ANK3: variants seen among roughly 807,000 people sequenced by gnomAD.
ANK3 encodes the protein ankyrin 3.
ANK3 carries 57 observed loss-of-function variants against 370.9 expected under a neutral mutation model. The observed-to-expected ratio is 0.15, with a 90% CI of 0.12 to 0.19. ANK3 has a LOEUF of 0.19. ANK3 is among the 10% of genes least tolerant of loss of function. The pLI is 1.00. For synonymous variants in ANK3, 1,929 were observed against 1,946.3 expected, an observed-to-expected ratio of 0.99 and a Z score of 0.23; for missense variants, 4,439 against 5,302.1, an observed-to-expected ratio of 0.84 and a Z score of 5.06.
chr10:60,438,568 C>T (rs1427524718), intron 2 of ANK3, among the ~76,000 whole-genome samples: 1 of 152,126 alleles, frequency 6.6e-6, no homozygotes, highest in Non-Finnish European at 1.5e-5. Flanking sequence ...ATGCCTAAGC[C>T]ATTTCCAGCT....
intron 2 of ANK3, among the ~76,000 whole-genome samples, chr10:60,532,210 G>A (rs1282903726): frequency 2.0e-5 from 3 of 152,132 alleles, no homozygotes; most frequent in Admixed American, 6.6e-5. Context: ...AGACCCAGTT[G>A]CATACTTACT....
intron 25 of ANK3, among the ~76,000 whole-genome samples, chr10:60,124,570 T>A (rs1421535963): frequency 1.3e-5 from 2 of 152,228 alleles, no homozygotes; most frequent in African/African-American, 4.8e-5. Context: ...CATATCCTTT[T>A]CACATCACAG....
chr10:60,384,842 G>A (rs1328929329), intron 1 of ANK3, among the ~76,000 whole-genome samples: 6 of 152,240 alleles, frequency 3.9e-5, no homozygotes, highest in East Asian at 3.9e-4. Context: ...CCTAGAATCC[G>A]ATCTCTCTCT....
chr10:60,357,265 C>T (rs900034153), intron 1 of ANK3, among the ~76,000 whole-genome samples: 1 of 152,176 alleles, frequency 6.6e-6, no homozygotes, highest in Non-Finnish European at 1.5e-5. Flanking sequence ...AATTTAATCA[C>T]CAACAGCTGC....
At chr10:60,643,674 T>C (rs949947004) in intron 1 of ANK3, among the ~76,000 whole-genome samples, 1 of 152,090 alleles carries the variant, frequency 6.6e-6, no homozygotes, top group African/African-American at 2.4e-5. Context: ...GCCACAGTGA[T>C]GGGCATATCC....
intron 10 of ANK3, among the ~76,000 whole-genome samples, chr10:60,206,777 T>C (rs540621842): frequency 3.9e-5 from 6 of 152,234 alleles, no homozygotes; most frequent in African/African-American, 1.4e-4. Flanking sequence ...TGTCCTAAGT[T>C]GTCCTGCCTG....
In ANK3 at chr10:60,466,214, T is replaced by C. The variant is rs10994363; in HGVS notation, c.96+148972A>G. Among the ~76,000 whole-genome samples, 393 of 152,342 alleles carry C rather than the reference T, an allele frequency of 2.6e-3. 2 individuals carry two copies. The highest frequency in any genetic ancestry group is 8.7e-3 in the African/African-American group (363 of 41,582). ...TAAAGAGGGCATAATTGTCTTCTAG[T>C]ATCTGAAGGACTAGCTTCGGAGGAG... On this transcript the variant is annotated intron_variant, in intron 2 of 43. Transcript: ENST00000373827.
At chr10:60,371,166 C>T (rs1005720085) in intron 1 of ANK3, among the ~76,000 whole-genome samples, 9 of 152,162 alleles carry the variant, frequency 5.9e-5, no homozygotes, top group African/African-American at 2.2e-4. Flanking sequence ...CTTCAATCTA[C>T]ACATCTGTCT....
At chr10:60,207,195 C>A (rs58613500) in intron 10 of ANK3, among the ~76,000 whole-genome samples, 2 of 152,044 alleles carry the variant, frequency 1.3e-5, no homozygotes, top group Non-Finnish European at 2.9e-5. Context: ...GTTTCTCTTT[C>A]GTCATTCTTT....
chr10:60,186,571 A>T, intron 17 of ANK3, 144 bp downstream of exon 17: 1 of 950,312 alleles, frequency 1.1e-6, no homozygotes, highest in Non-Finnish European at 1.6e-6. Flanking sequence ...TTGCTCTGTT[A>T]AGTAACACTT....
intron 1 of ANK3, among the ~76,000 whole-genome samples, chr10:60,621,797 T>C (rs1021783118): frequency 6.6e-6 from 1 of 152,192 alleles, no homozygotes; most frequent in Non-Finnish European, 1.5e-5. Context: ...CCACTATGGA[T>C]CCAGGAGCAG....
At chr10:60,529,061 C>G (rs1407795775) in intron 2 of ANK3, among the ~76,000 whole-genome samples, 1 of 151,998 alleles carries the variant, frequency 6.6e-6, no homozygotes. Flanking sequence ...TTGTGATCTA[C>G]CAACCCTCAA....
chr10:60,239,017 G>T (rs575575735), intron 7 of ANK3, among the ~76,000 whole-genome samples: 1 of 152,120 alleles, frequency 6.6e-6, no homozygotes, highest in South Asian at 2.1e-4. Context: ...TTGCTTTGTG[G>T]GCTCCTCAAT....
chr10:60,527,202 A>G (rs1595210010), intron 2 of ANK3, among the ~76,000 whole-genome samples: 1 of 152,118 alleles, frequency 6.6e-6, no homozygotes, highest in Non-Finnish European at 1.5e-5. Flanking sequence ...TTTAAAAAAT[A>G]CTTATTTTAG....
rs773199328 is a variant in ANK3 at position 60,027,721 on chromosome 10, C to T, written c.*2125G>A. On this transcript the variant is annotated 3_prime_UTR_variant, in exon 44 of 44. Coordinates refer to ENST00000280772, the MANE Select transcript of ANK3 (RefSeq NM_020987.5). ...ATGATCACAGTTACTACTATCACTA[C>T]TACCATATGCTAAGCTGGTAACTAG... is the stretch of plus-strand genomic sequence containing the variant. 1 of 152,214 alleles carries T rather than the reference C, an allele frequency of 6.6e-6. No homozygotes were observed. The highest frequency in any genetic ancestry group is 2.4e-5 in the African/African-American group (1 of 41,450). The allele number at this position is 152,214 out of a possible 1,614,324, so 9.4% of individuals were successfully genotyped here. A position where few individuals can be genotyped will look rare whatever the true frequency, so the allele number is the denominator to read the frequency against.
At chr10:60,181,487 T>C (rs1348295109) in intron 17 of ANK3, 60 bp from the exon 18 acceptor site, 4 of 1,460,538 alleles carry the variant, frequency 2.7e-6, no homozygotes, top group Non-Finnish European at 3.8e-6. Context: ...CACATAGCCA[T>C]GTTTGAGAAA....
At chr10:60,671,768 C>T (rs1393915328) in intron 1 of ANK3, among the ~76,000 whole-genome samples, 1 of 152,200 alleles carries the variant, frequency 6.6e-6, no homozygotes, top group East Asian at 1.9e-4. Flanking sequence ...ATCCAGCAGC[C>T]ATGTTGTGAG....
intron 2 of ANK3, among the ~76,000 whole-genome samples, chr10:60,512,504 A>G (rs1198591047): frequency 6.6e-6 from 1 of 152,170 alleles, no homozygotes; most frequent in Non-Finnish European, 1.5e-5. Context: ...TAGAAAAAAG[A>G]TCTTTCTGCA....
rs1200022098 is a variant in ANK3, at chr10:60,261,910, A to G, written c.747T>C (p.Asn249=). The change falls in exon 7 of 44, where the codon AAT becomes AAC. Residue 249 remains asparagine, a synonymous_variant. Transcript: ENST00000280772. ...CTCGGTTTAACAGCAACGTGGCTAC[A>G]TTGATATTTCCATAGTGAGCAGCTA... ...LHIAAHYGNI[N]VATLLLNRAA... 2 of 1,614,024 alleles carry G rather than the reference A, an allele frequency of 1.2e-6. No individual in the cohort carries two copies. The highest frequency in any genetic ancestry group is 1.7e-6 in the Non-Finnish European group (2 of 1,179,996).
Sources: gnomAD v4.1 joint callset for allele counts (sites outside exome capture counted in the v4.1 genomes callset) on GRCh38, gnomAD v4.1.1 for gene constraint, MANE v1.5 for transcripts, NCBI Gene and HGNC (gene_info 2026-07-23, HGNC 2026-07-21) for gene names.